CRTC3: variants seen among roughly 807,000 people sequenced by gnomAD.
The protein encoded by CRTC3 is CREB-regulated transcription coactivator 3.
In CRTC3, 26 loss-of-function variants were observed where a neutral mutation model predicts 74.5. The ratio of observed to expected loss-of-function variants is 0.35; its 90% CI spans 0.26 to 0.48. CRTC3 has a LOEUF of 0.48. Among genes scored for constraint, CRTC3 ranks in the 20% least tolerant of loss-of-function variants. The probability of loss-of-function intolerance (pLI) is 0.99; values close to 1 mark genes in which losing one functional copy is unlikely to be tolerated. For missense variants in CRTC3, 760 were observed against 787.3 expected, an observed-to-expected ratio of 0.97 and a Z score of 0.41; for synonymous variants, 377 against 325.8, an observed-to-expected ratio of 1.16 and a Z score of -1.69.
At chr15:90,550,896 T>C (rs1966854566) in intron 2 of CRTC3, among the ~76,000 whole-genome samples, 1 of 152,028 alleles carries the variant, frequency 6.6e-6, no homozygotes, top group African/African-American at 2.4e-5. Flanking sequence ...GCACTCCTAA[T>C]AATGCCAAGG....
intron 11 of CRTC3, among the ~76,000 whole-genome samples, chr15:90,632,128 A>G (rs1193700888): frequency 6.7e-6 from 1 of 149,666 alleles, no homozygotes; most frequent in Non-Finnish European, 1.5e-5. Flanking sequence ...AGGCTAGTCC[A>G]TAATTATTGT....
intron 2 of CRTC3, among the ~76,000 whole-genome samples, chr15:90,590,874 T>C (rs762910107): frequency 1.3e-5 from 2 of 152,182 alleles, no homozygotes; most frequent in Non-Finnish European, 2.9e-5. Flanking sequence ...CACAACTGAA[T>C]ACCAGCAGTA....
At chr15:90,559,341 C>T (rs1027837837) in intron 2 of CRTC3, among the ~76,000 whole-genome samples, 3 of 152,110 alleles carry the variant, frequency 2.0e-5, no homozygotes, top group East Asian at 3.8e-4. Flanking sequence ...AGAGGTTAGG[C>T]GACTTGCCCA....
chr15:90,557,187 A>T (rs947391914), intron 2 of CRTC3, among the ~76,000 whole-genome samples: 1 of 152,122 alleles, frequency 6.6e-6, no homozygotes. Flanking sequence ...GAACAAACTT[A>T]GCAAATTTAG....
At chr15:90,601,749 G>T (rs377724594) in intron 3 of CRTC3, among the ~76,000 whole-genome samples, 282 of 152,274 alleles carry the variant, frequency 1.9e-3, no homozygotes, top group African/African-American at 6.4e-3. Flanking sequence ...TAGATCCAAG[G>T]GGTCATACAA....
In CRTC3 at chr15:90,602,405, A is replaced by G; in HGVS notation, c.413+20A>G. Reference sequence around the variant, plus strand: ...GCCAAGGTAAGCAAGACATACTTTAAAAGATATGATGGGCATGTGTTATTT... The same window carrying G: ...GCCAAGGTAAGCAAGACATACTTTAGAAGATATGATGGGCATGTGTTATTT... On this transcript the variant is annotated intron_variant, in intron 4 of 14. Coordinates refer to ENST00000268184, the MANE Select transcript of CRTC3 (RefSeq NM_022769.5). 7.3e-7 allele frequency: 1 copy of G among 1,377,888 alleles called. No homozygotes were observed. Among genetic ancestry groups the G allele is most frequent in the Non-Finnish European group, 1.0e-6 (1 of 968,230 alleles). The allele number at this position is 1,377,888 out of a possible 1,614,324, so 85.4% of individuals were successfully genotyped here.
chr15:90,563,710 A>T (rs1046219154), intron 2 of CRTC3, among the ~76,000 whole-genome samples: 2 of 152,176 alleles, frequency 1.3e-5, no homozygotes, highest in African/African-American at 4.8e-5. Context: ...AGCAAGAAAA[A>T]ATAGGTAATA....
At chr15:90,534,654 T>A (rs1318372654) in intron 1 of CRTC3, among the ~76,000 whole-genome samples, 1 of 152,176 alleles carries the variant, frequency 6.6e-6, no homozygotes, top group Non-Finnish European at 1.5e-5. Context: ...AAAAATGAGA[T>A]AATCCAACGA....
intron 11 of CRTC3, among the ~76,000 whole-genome samples, chr15:90,635,327 G>C (rs1195483938): frequency 6.6e-6 from 1 of 152,088 alleles, no homozygotes; most frequent in Non-Finnish European, 1.5e-5. Flanking sequence ...ATTTCCTTGG[G>C]AAACTCCTGG....
At chr15:90,585,656 G>T (rs55912922) in intron 2 of CRTC3, among the ~76,000 whole-genome samples, 28,810 of 152,062 alleles carry the variant, frequency 0.19, 3,063 homozygotes, top group East Asian at 0.46. Context: ...AATCACTTCA[G>T]CTCTCTGTAC....
chr15:90,572,223 C>T (rs776282630), intron 2 of CRTC3, among the ~76,000 whole-genome samples: 18 of 149,598 alleles, frequency 1.2e-4, no homozygotes, highest in Non-Finnish European at 2.4e-4. Flanking sequence ...TATGTCAGTA[C>T]CTAAAGATAT....
intron 8 of CRTC3, 151 bp downstream of exon 8, chr15:90,618,119 C>T (rs969537926): frequency 2.9e-5 from 13 of 449,740 alleles, no homozygotes; most frequent in Non-Finnish European, 4.8e-5. Flanking sequence ...AAGGGAAGGA[C>T]GTTTCAAGTA....
At chr15:90,568,317 A>C (rs113788766) in intron 2 of CRTC3, among the ~76,000 whole-genome samples, 12,845 of 152,176 alleles carry the variant, frequency 0.084, 628 homozygotes, top group Middle Eastern at 0.15. Flanking sequence ...ATACCACATA[A>C]GTTTATTAAA....
chr15:90,562,603 C>T (rs1030249069), intron 2 of CRTC3, among the ~76,000 whole-genome samples: 4 of 152,094 alleles, frequency 2.6e-5, no homozygotes, highest in South Asian at 4.1e-4. Flanking sequence ...TTTGGTTTCT[C>T]GTCTTAGAAT....
At chr15:90,616,681 T>G (rs1596128318) in intron 7 of CRTC3, among the ~76,000 whole-genome samples, 1 of 152,232 alleles carries the variant, frequency 6.6e-6, no homozygotes, top group Admixed American at 6.5e-5. Context: ...GCCCTTGTTT[T>G]CTGGTCTCTT....
chr15:90,629,050 G>T (rs935791004), intron 10 of CRTC3, among the ~76,000 whole-genome samples, 184 bp from the exon 11 acceptor site: 1 of 152,170 alleles, frequency 6.6e-6, no homozygotes, highest in Non-Finnish European at 1.5e-5. Flanking sequence ...ATCTCTGTTA[G>T]TGCAGGGGCA....
intron 6 of CRTC3, among the ~76,000 whole-genome samples, chr15:90,608,853 T>G (rs7171218): frequency 0.7 from 106,269 of 152,120 alleles, 37,377 homozygotes; most frequent in South Asian, 0.78. Context: ...TTCAGACACA[T>G]TTCAAGCCTA....
At chr15:90,625,466 C>T (rs1000999125) in intron 9 of CRTC3, among the ~76,000 whole-genome samples, 1 of 152,182 alleles carries the variant, frequency 6.6e-6, no homozygotes, top group Admixed American at 6.5e-5. Context: ...ACATAAATAG[C>T]AGTGCCTCAC....
chr15:90,574,803 G>A lies in CRTC3; in HGVS notation c.232-18833G>A, dbSNP rs1001399111. ...TTTGTGCATTTTTCTTATGAGTAAC[G>A]TGTGTTTTTTCCTGTTTATGAACCA... is the stretch of plus-strand genomic sequence containing the variant. On this transcript the variant is annotated intron_variant, in intron 2 of 14. Coordinates refer to ENST00000268184, the MANE Select transcript of CRTC3 (RefSeq NM_022769.5). Among the ~76,000 whole-genome samples the A allele has an allele frequency of 5.3e-5, 8 of 152,254 alleles. No homozygotes were observed. In the South Asian group the frequency reaches 6.2e-4, roughly 12 times the overall value.
Sources: gnomAD v4.1 joint callset for allele counts (sites outside exome capture counted in the v4.1 genomes callset) on GRCh38, gnomAD v4.1.1 for gene constraint, MANE v1.5 for transcripts, NCBI Gene and HGNC (gene_info 2026-07-23, HGNC 2026-07-21) for gene names.